Variants in SLC23A2 observed in about 807,000 individuals in gnomAD.
The protein encoded by SLC23A2 is Na(+)/L-ascorbic acid transporter 2.
A neutral mutation model predicts 73.3 loss-of-function variants in SLC23A2; 36 were observed. The observed-to-expected ratio is 0.49, with a 90% CI of 0.38 to 0.65. The LOEUF is 0.65. Ranked by LOEUF, SLC23A2 falls within the 30% of genes least tolerant of loss-of-function variation. The pLI is 0.00. For synonymous variants in SLC23A2, 343 were observed against 327.3 expected, an observed-to-expected ratio of 1.05 and a Z score of -0.52; for missense variants, 507 against 841.6, an observed-to-expected ratio of 0.60 and a Z score of 4.92.
rs184512574 is a variant in SLC23A2 at position 4,911,734 on chromosome 20, G to A, written c.207+1146C>T. Among the ~76,000 whole-genome samples, 928 of 152,140 alleles carry A rather than the reference G, an allele frequency of 6.1e-3. 9 individuals carry two copies. Among genetic ancestry groups the A allele is most frequent in the Middle Eastern group, 0.01 (3 of 294 alleles). ...AGCCTCAGAGCTGCGATACAATTTG[G>A]AGATATCAGATTATCTAACTTCTCA... On this transcript the variant is annotated intron_variant, in intron 4 of 16. Coordinates refer to ENST00000338244, the MANE Select transcript of SLC23A2 (RefSeq NM_005116.6).
chr20:4,902,046 A>G lies in SLC23A2; in HGVS notation c.324+396T>C, dbSNP rs1169429508. 2.0e-5 allele frequency among the ~76,000 whole-genome samples: 3 copies of G among 152,092 alleles called. No individual in the cohort carries two copies. Among genetic ancestry groups the G allele is most frequent in the Admixed American group, 1.3e-4 (2 of 15,266 alleles). ...TTGTTTTTTGAGACAGGGTCTCACT[A>G]TGTCAACCAGGCTGAAGTGGAGTGG... On this transcript the variant is annotated intron_variant, in intron 5 of 16. Transcript: ENST00000338244. This position sits in a 1 kb window ranked among gnomAD's most constrained non-coding sequence, Gnocchi z 4.0.
At chr20:4,898,848 T>C (rs754530049) in intron 6 of SLC23A2, among the ~76,000 whole-genome samples, 37 of 152,044 alleles carry the variant, frequency 2.4e-4, no homozygotes, top group Non-Finnish European at 4.6e-4. Context: ...ACTGGAAGGA[T>C]GAAAACAAGG....
chr20:4,961,324 C>T (rs1054947804), intron 2 of SLC23A2, among the ~76,000 whole-genome samples: 24 of 151,962 alleles, frequency 1.6e-4, no homozygotes, highest in Admixed American at 8.5e-4. Context: ...CCTCATGATC[C>T]GCCCACCTTG....
chr20:4,990,797 A>C (rs1488573001), intron 1 of SLC23A2, among the ~76,000 whole-genome samples: 1 of 150,950 alleles, frequency 6.6e-6, no homozygotes, highest in Non-Finnish European at 1.5e-5. Context: ...AGCCTGACCA[A>C]CATGGTGAAA....
chr20:5,008,377 C>A (rs528208161), intron 1 of SLC23A2, among the ~76,000 whole-genome samples: 2 of 152,274 alleles, frequency 1.3e-5, no homozygotes, highest in African/African-American at 4.8e-5. Context: ...GTTCTGGAAT[C>A]TGTCTGACAC....
chr20:4,961,232 T>C (rs780802752), intron 2 of SLC23A2, among the ~76,000 whole-genome samples: 2 of 151,752 alleles, frequency 1.3e-5, no homozygotes, highest in Admixed American at 6.6e-5. Flanking sequence ...TAGGCACGTG[T>C]CACCATGCCC....
intron 11 of SLC23A2, among the ~76,000 whole-genome samples, chr20:4,870,556 G>T (rs1930405004): frequency 6.6e-6 from 1 of 151,388 alleles, no homozygotes; most frequent in South Asian, 2.1e-4. Context: ...CAGCCTGGGT[G>T]ATAGAGCGAG....
At chr20:4,975,704 C>A (rs977706787) in intron 1 of SLC23A2, among the ~76,000 whole-genome samples, 1 of 149,644 alleles carries the variant, frequency 6.7e-6, no homozygotes, top group Non-Finnish European at 1.5e-5. Context: ...TTAATTTTTG[C>A]AAATATGACA....
chr20:4,900,230 T>C (rs1931695537), intron 5 of SLC23A2, among the ~76,000 whole-genome samples: 1 of 152,244 alleles, frequency 6.6e-6, no homozygotes, highest in African/African-American at 2.4e-5. Flanking sequence ...TATTACTTAT[T>C]ACTTGGATGA....
At chr20:4,918,420 A>G (rs1219527821) in intron 3 of SLC23A2, among the ~76,000 whole-genome samples, 1 of 152,196 alleles carries the variant, frequency 6.6e-6, no homozygotes, top group South Asian at 2.1e-4. Context: ...TCCAATATGC[A>G]ATTGCATTTG....
intron 3 of SLC23A2, among the ~76,000 whole-genome samples, chr20:4,921,882 T>TGTA (rs1932509740): frequency 1.3e-5 from 2 of 152,094 alleles, no homozygotes; most frequent in Admixed American, 1.3e-4. Context: ...ACCCCAACAA[T>TGTA]GTAGTTTGTA....
At chr20:4,910,898 G>A (rs1932119266) in intron 4 of SLC23A2, among the ~76,000 whole-genome samples, 1 of 152,166 alleles carries the variant, frequency 6.6e-6, no homozygotes, top group African/African-American at 2.4e-5. Flanking sequence ...CACCCAAACA[G>A]GAAAATGAAC....
intron 2 of SLC23A2, among the ~76,000 whole-genome samples, chr20:4,935,977 T>C (rs2086956664): frequency 6.6e-6 from 1 of 152,216 alleles, no homozygotes; most frequent in Non-Finnish European, 1.5e-5. Flanking sequence ...TCGCCTATTT[T>C]CTATAATGTT....
At chr20:4,896,431 C>CCCTCAG (rs150717738) in intron 6 of SLC23A2, among the ~76,000 whole-genome samples, 1,879 of 152,254 alleles carry the variant, frequency 0.012, 41 homozygotes, top group African/African-American at 0.042. Flanking sequence ...GCAAAAGCCC[C>CCCTCAG]CCTCAGCCTG....
intron 6 of SLC23A2, among the ~76,000 whole-genome samples, chr20:4,893,458 C>A (rs1931405341): frequency 6.6e-6 from 1 of 152,144 alleles, no homozygotes; most frequent in African/African-American, 2.4e-5. Context: ...CTCTCCCTTG[C>A]CCCAATCTGA....
intron 1 of SLC23A2, among the ~76,000 whole-genome samples, chr20:4,975,217 G>T (rs1228396787): frequency 6.6e-6 from 1 of 152,094 alleles, no homozygotes; most frequent in Non-Finnish European, 1.5e-5. Context: ...CGTAAGAAAT[G>T]GGAAATGAAA....
At chr20:4,876,299 C>A (rs188476208) in intron 9 of SLC23A2, among the ~76,000 whole-genome samples, 1 of 152,138 alleles carries the variant, frequency 6.6e-6, no homozygotes, top group Non-Finnish European at 1.5e-5. Context: ...AGGCAACACA[C>A]CTGCACATTT....
Position 4,883,729 on chromosome 20 carries a change from G to C in SLC23A2, c.737C>G (p.Thr246Ser), listed in dbSNP as rs1339619791. The C allele has an allele frequency of 6.2e-7, 1 of 1,613,924 alleles. No individual in the cohort carries two copies. The highest frequency in any genetic ancestry group is 1.3e-5 in the African/African-American group (1 of 74,908). The change falls in exon 9 of 17, where the codon ACC (threonine) becomes AGC (serine). Residue 246 changes from threonine (T) to serine (S), a missense_variant. This residue lies in a region of SLC23A2 where 217 missense variants were observed against 398.0 expected (regional missense o/e 0.55). Coordinates refer to ENST00000338244, the MANE Select transcript of SLC23A2 (RefSeq NM_005116.6). The surrounding 1 kb of genome is among the most constrained non-coding windows in gnomAD (Gnocchi z 4.5). ...AATTAGGGCCACCGTGGGTGTAATG[G>C]TCAAGGGACCGATGTACTTCAGTAG... Reference protein sequence around the residue: ...GALLKYIGPLTITPTVALIGL... With the variant: ...GALLKYIGPLSITPTVALIGL...
chr20:4,994,730 C>T (rs753807143), intron 1 of SLC23A2, among the ~76,000 whole-genome samples: 39 of 151,202 alleles, frequency 2.6e-4, no homozygotes, highest in Admixed American at 2.4e-3. Flanking sequence ...CACTGCACTC[C>T]AGCCTGGGCG....
Sources: allele counts gnomAD v4.1 joint callset (sites outside exome capture counted in the v4.1 genomes callset), GRCh38; gene constraint gnomAD v4.1.1; regional missense constraint gnomAD v4.1.1; non-coding constraint Gnocchi (gnomAD v3.1); transcripts MANE v1.5; gene names NCBI Gene and HGNC (gene_info 2026-07-23, HGNC 2026-07-21).